Variants in DRC11L observed in about 807,000 individuals in gnomAD.
DRC11L encodes dynein regulatory complex subunit 11 like.
the DRC11L span, chr7:151,199,126 C>T: frequency 7.5e-6 from 3 of 397,964 alleles, no homozygotes; most frequent in African/African-American, 6.2e-5. This position sits in a 1 kb window ranked among gnomAD's most constrained non-coding sequence, Gnocchi z 5.2. Flanking sequence ...ACCACGCTCA[C>T]ACAAGGCCTC....
chr7:151,197,135 T>C, the DRC11L span: 1 of 399,864 alleles, frequency 2.5e-6, no homozygotes, highest in Non-Finnish European at 4.4e-6. Flanking sequence ...TGAACCCATC[T>C]TCCTACCACG....
the DRC11L span, chr7:151,193,590 G>A: frequency 7.5e-6 from 3 of 398,686 alleles, no homozygotes; most frequent in East Asian, 3.6e-5. Flanking sequence ...CTAGGGCTGG[G>A]GGAGGAGGTG....
the DRC11L span, chr7:151,193,111 C>A: frequency 1.0e-5 from 4 of 397,680 alleles, no homozygotes; most frequent in Non-Finnish European, 1.3e-5. Flanking sequence ...TCCCTTCATT[C>A]CCCCACCACA....
the DRC11L span, among the ~76,000 whole-genome samples, chr7:151,198,468 G>A: frequency 1.1e-4 from 17 of 152,138 alleles, 1 homozygote; most frequent in Admixed American, 8.5e-4. Flanking sequence ...CCAGGGTGAC[G>A]GAGGGAGAGG....
chr7:151,201,928 G>A, the DRC11L span, among the ~76,000 whole-genome samples: 5 of 152,196 alleles, frequency 3.3e-5, no homozygotes, highest in African/African-American at 1.2e-4. This position sits in a 1 kb window ranked among gnomAD's most constrained non-coding sequence, Gnocchi z 4.1. Context: ...GTCAGCCTGT[G>A]TTAGCAGCAT....
chr7:151,203,548 A>G, the DRC11L span: 1 of 398,772 alleles, frequency 2.5e-6, no homozygotes, highest in Non-Finnish European at 4.4e-6. Flanking sequence ...AGGGTCAGGA[A>G]TCAAAAGTCT....
the DRC11L span, chr7:151,200,475 A>G: frequency 3.5e-5 from 14 of 398,650 alleles, no homozygotes; most frequent in Non-Finnish European, 5.8e-5. Context: ...GATGTAGGGG[A>G]CACACAGGAC....
the DRC11L span, chr7:151,204,551 G>T: frequency 2.5e-6 from 1 of 398,880 alleles, no homozygotes; most frequent in Non-Finnish European, 4.4e-6. Context: ...CCAGGCAGTG[G>T]TTCTCACACA....
chr7:151,203,230 G>C, the DRC11L span: 199 of 398,152 alleles, frequency 5.0e-4, no homozygotes, highest in Non-Finnish European at 6.5e-4. Context: ...GCCAAGTCTT[G>C]TCTTGGCGTT....
At chr7:151,194,597 AC>A in the DRC11L span, 1 of 399,442 alleles carries the variant, frequency 2.5e-6, no homozygotes. Context: ...GACTCCACAG[AC>A]CTGGCAGAGG....
the DRC11L span, chr7:151,196,412 G>T: frequency 2.5e-6 from 1 of 399,100 alleles, no homozygotes; most frequent in East Asian, 3.6e-5. Context: ...GTACAGGGTG[G>T]TGGCCTGCAG....
At chr7:151,192,953 C>T in the DRC11L span, 1 of 398,206 alleles carries the variant, frequency 2.5e-6, no homozygotes, top group Non-Finnish European at 4.4e-6. Flanking sequence ...GCCCCGTCTC[C>T]ACTCCCCACA....
At chr7:151,205,153 G>C in the DRC11L span, among the ~76,000 whole-genome samples, 1 of 152,244 alleles carries the variant, frequency 6.6e-6, no homozygotes, top group South Asian at 2.1e-4. Flanking sequence ...CAGGGGCAGT[G>C]GGGCCCTCCA....
the DRC11L span, among the ~76,000 whole-genome samples, chr7:151,195,005 C>T: frequency 7.2e-5 from 11 of 152,156 alleles, no homozygotes; most frequent in South Asian, 4.1e-4. Flanking sequence ...AAGCAGCTGA[C>T]GTCAAGTCGC....
At chr7:151,204,655 C>T in the DRC11L span, 3 of 399,044 alleles carry the variant, frequency 7.5e-6, no homozygotes, top group Non-Finnish European at 8.8e-6. Context: ...TGCGGCTGCA[C>T]CATCTGGTCA....
chr7:151,194,129 C>A, the DRC11L span: 1 of 387,986 alleles, frequency 2.6e-6, no homozygotes, highest in Non-Finnish European at 4.5e-6. Flanking sequence ...CTGGGCAGGG[C>A]AGGAGGACCT....
the DRC11L span, chr7:151,199,121 G>A: frequency 2.3e-5 from 9 of 397,894 alleles, no homozygotes; most frequent in South Asian, 2.8e-4. This position sits in a 1 kb window ranked among gnomAD's most constrained non-coding sequence, Gnocchi z 5.2. Context: ...CCAACACCAC[G>A]CTCACACAAG....
At chr7:151,199,511 C>T in the DRC11L span, among the ~76,000 whole-genome samples, 1 of 152,218 alleles carries the variant, frequency 6.6e-6, no homozygotes, top group Non-Finnish European at 1.5e-5. The surrounding 1 kb of genome is among the most constrained non-coding windows in gnomAD (Gnocchi z 5.2). Flanking sequence ...CTGAAGCCAA[C>T]CCCTGCCTCT....
At chr7:151,197,894 G>T in the DRC11L span, 1 of 399,244 alleles carries the variant, frequency 2.5e-6, no homozygotes. Flanking sequence ...CAGGGAACCG[G>T]CCAGTAAGGT....
Sources: allele counts gnomAD v4.1 joint callset (sites outside exome capture counted in the v4.1 genomes callset), GRCh38; gene constraint gnomAD v4.1.1; non-coding constraint Gnocchi (gnomAD v3.1); transcripts MANE v1.5; gene names NCBI Gene and HGNC (gene_info 2026-07-23, HGNC 2026-07-21).